The following SFSWAP variants were observed in gnomAD, a reference collection of about 807,000 sequenced individuals.
SFSWAP encodes the protein splicing factor SWAP, also known as splicing factor, suppressor of white-apricot homolog.
A neutral mutation model predicts 100.7 loss-of-function variants in SFSWAP; 17 were observed. The ratio of observed to expected loss-of-function variants is 0.17; its 90% CI spans 0.12 to 0.25. SFSWAP has a LOEUF of 0.25. Ranked by LOEUF, SFSWAP falls within the 10% of genes least tolerant of loss-of-function variation. SFSWAP has a pLI of 1.00. For missense variants in SFSWAP, 1,005 were observed against 1,262.6 expected, an observed-to-expected ratio of 0.80 and a Z score of 3.09; for synonymous variants, 504 against 510.1, an observed-to-expected ratio of 0.99 and a Z score of 0.16.
intron 11 of SFSWAP, 108 bp downstream of exon 11, chr12:131,756,752 G>T: frequency 1.0e-6 from 1 of 984,040 alleles, no homozygotes. Flanking sequence ...CTGGGGTGGG[G>T]TTGGCGGCCC....
At chr12:131,756,948 C>T (rs56014464) in intron 11 of SFSWAP, 1 of 277,582 alleles carries the variant, frequency 3.6e-6, no homozygotes, top group African/African-American at 2.2e-5. Context: ...ACTTCTGAAA[C>T]TATTTATATG....
chr12:131,738,882 A>ATTTTTTTTTTTTTTTTTTTTTT (rs1555243205), intron 7 of SFSWAP, among the ~76,000 whole-genome samples: 4 of 40,176 alleles, frequency 1.0e-4, no homozygotes, highest in Admixed American at 3.6e-4. Flanking sequence ...AATGAACATT[A>ATTTTTTTTTTTTTTTTTTTTTT]TTCTTTTTTT....
At chr12:131,779,238 T>G (rs1884287208) in intron 14 of SFSWAP, among the ~76,000 whole-genome samples, 1 of 148,080 alleles carries the variant, frequency 6.8e-6, no homozygotes, top group Non-Finnish European at 1.5e-5. Flanking sequence ...CGGGTGAGCG[T>G]GTGTGAAGAG....
intron 14 of SFSWAP, among the ~76,000 whole-genome samples, chr12:131,779,331 C>T (rs1884314753): frequency 7.2e-6 from 1 of 139,394 alleles, no homozygotes; most frequent in African/African-American, 2.6e-5. Context: ...AATGTTTCCT[C>T]TCCACCCTCC....
At chr12:131,757,238 C>G (rs1882256540) in intron 11 of SFSWAP, 1 of 152,650 alleles carries the variant, frequency 6.6e-6, no homozygotes, top group Non-Finnish European at 1.5e-5. Flanking sequence ...TAGAGGCGTT[C>G]AGCTGGTGTT....
At chr12:131,745,567 C>T (rs1881028328) in intron 7 of SFSWAP, among the ~76,000 whole-genome samples, 5 of 152,110 alleles carry the variant, frequency 3.3e-5, no homozygotes, top group South Asian at 2.1e-4. Flanking sequence ...GTTGTCAGTG[C>T]CTGACATTTA....
intron 13 of SFSWAP, among the ~76,000 whole-genome samples, chr12:131,772,795 T>C (rs1883723751): frequency 6.6e-6 from 1 of 152,192 alleles, no homozygotes; most frequent in Admixed American, 6.5e-5. Flanking sequence ...TCTTGGTACC[T>C]GAGTTCTTGT....
intron 7 of SFSWAP, among the ~76,000 whole-genome samples, chr12:131,747,690 A>G (rs1881265658): frequency 6.6e-6 from 1 of 152,220 alleles, no homozygotes; most frequent in Non-Finnish European, 1.5e-5. Context: ...GGGGTCTGCC[A>G]GATGAACTGG....
chr12:131,798,621 G>A (rs996405547), intron 16 of SFSWAP, among the ~76,000 whole-genome samples: 2 of 152,200 alleles, frequency 1.3e-5, no homozygotes, highest in South Asian at 2.1e-4. Flanking sequence ...TGGGCGCGGC[G>A]GCTCACGCCT....
chr12:131,711,898 T>C lies in SFSWAP; in HGVS notation c.218+451T>C, dbSNP rs1005905919. 5.6e-6 allele frequency: 1 copy of C among 178,114 alleles called. No individual in the cohort carries two copies. Among genetic ancestry groups the C allele is most frequent in the African/African-American group, 2.4e-5 (1 of 42,000 alleles). The allele number at this position is 178,114 out of a possible 1,614,324, so 11.0% of individuals were successfully genotyped here. ...ACCCTGGGAGGCGTGCCTTTATTCT[T>C]CCGAACCGCCGCTCACTGAGACAGT... is the stretch of plus-strand genomic sequence containing the variant. On this transcript the variant is annotated intron_variant, in intron 1 of 17. Coordinates refer to ENST00000261674, the MANE Select transcript of SFSWAP (RefSeq NM_004592.4). This position sits in a 1 kb window ranked among gnomAD's most constrained non-coding sequence, Gnocchi z 4.9.
intron 10 of SFSWAP, among the ~76,000 whole-genome samples, chr12:131,755,752 G>A (rs1374130510): frequency 1.3e-5 from 2 of 152,220 alleles, no homozygotes; most frequent in East Asian, 1.9e-4. Flanking sequence ...TCAACTGTTC[G>A]ATGTTTTGGC....
At chr12:131,744,830 A>G (rs1027151300) in intron 7 of SFSWAP, among the ~76,000 whole-genome samples, 1 of 152,220 alleles carries the variant, frequency 6.6e-6, no homozygotes, top group African/African-American at 2.4e-5. Context: ...CCTCACAATC[A>G]TGGCAGAAGG....
intron 8 of SFSWAP, among the ~76,000 whole-genome samples, chr12:131,753,898 C>T (rs911522564): frequency 1.3e-5 from 2 of 152,134 alleles, no homozygotes; most frequent in Non-Finnish European, 2.9e-5. Flanking sequence ...AGGCGCTTTA[C>T]CAGTGGGCCT....
chr12:131,726,054 T>C (rs575314300), intron 5 of SFSWAP, among the ~76,000 whole-genome samples: 2 of 152,342 alleles, frequency 1.3e-5, no homozygotes, highest in African/African-American at 4.8e-5. Flanking sequence ...GGATTATCTA[T>C]TTTAAGCTAT....
rs1051425986 is a variant in SFSWAP at position 131,771,730 on chromosome 12, T to C, written c.2142+5422T>C. On this transcript the variant is annotated intron_variant, in intron 13 of 17. Coordinates refer to ENST00000261674, the MANE Select transcript of SFSWAP (RefSeq NM_004592.4). ...GTGCAGTAGCGCGATCTCGGCTCAA[T>C]TGGCTCACTGCAACCTCTGCCTCCC... Among the ~76,000 whole-genome samples, 16 of 149,610 alleles carry C rather than the reference T, an allele frequency of 1.1e-4. No homozygotes were observed. The East Asian group carries it at 3.1e-3, about 29-fold the overall frequency.
chr12:131,761,197 A>G (rs899056613), intron 11 of SFSWAP, among the ~76,000 whole-genome samples: 28 of 152,176 alleles, frequency 1.8e-4, no homozygotes, highest in Admixed American at 3.3e-4. Flanking sequence ...TGGAATTGCA[A>G]TTGATCTATT....
At position 131,790,811 on chromosome 12, in the gene SFSWAP, A is replaced by G. The variant is rs60069360; in HGVS notation, c.2534+4223A>G. On this transcript the variant is annotated intron_variant, in intron 15 of 17. Transcript: ENST00000261674. ...CTGCAGTAAAGATCTGCCTTTATACATGAAATGTTAATTCCAGGTAGACTT... is the reference window on the plus strand; with the variant it reads ...CTGCAGTAAAGATCTGCCTTTATACGTGAAATGTTAATTCCAGGTAGACTT... Among the ~76,000 whole-genome samples, 770 of 152,354 alleles carry G rather than the reference A, an allele frequency of 5.1e-3. 8 individuals carry two copies. Among genetic ancestry groups the G allele is most frequent in the African/African-American group, 0.017 (727 of 41,570 alleles).
intron 11 of SFSWAP, among the ~76,000 whole-genome samples, chr12:131,761,109 C>G (rs1882642294): frequency 1.3e-5 from 2 of 152,116 alleles, no homozygotes; most frequent in South Asian, 4.2e-4. Flanking sequence ...AGCTGTGCCC[C>G]CATTTTACAC....
chr12:131,715,064 A>G, intron 3 of SFSWAP, 111 bp downstream of exon 3: 4 of 1,055,696 alleles, frequency 3.8e-6, no homozygotes, highest in Non-Finnish European at 5.6e-6. Flanking sequence ...TGATAGCACC[A>G]CTATGACCAC....
Sources: gnomAD v4.1 joint callset for allele counts (sites outside exome capture counted in the v4.1 genomes callset) on GRCh38, gnomAD v4.1.1 for gene constraint, Gnocchi (gnomAD v3.1) non-coding constraint, MANE v1.5 for transcripts, NCBI Gene and HGNC (gene_info 2026-07-23, HGNC 2026-07-21) for gene names.